Variants in GRID1 observed in about 807,000 individuals in gnomAD.
GRID1 encodes glutamate receptor ionotropic, delta-1.
Under a neutral mutation model 98.0 loss-of-function variants are expected in GRID1, and 28 were observed. The observed-to-expected ratio is 0.29, with a 90% CI of 0.21 to 0.39. The LOEUF (loss-of-function observed/expected upper bound fraction) is 0.39. Among genes scored for constraint, GRID1 ranks in the 10% least tolerant of loss-of-function variants. The pLI is 1.00. For missense variants in GRID1, 1,111 were observed against 1,340.5 expected, an observed-to-expected ratio of 0.83 and a Z score of 2.67; for synonymous variants, 553 against 538.5, an observed-to-expected ratio of 1.03 and a Z score of -0.37.
At chr10:86,063,883 T>C (rs1275306146) in intron 4 of GRID1, among the ~76,000 whole-genome samples, 1 of 152,204 alleles carries the variant, frequency 6.6e-6, no homozygotes, top group East Asian at 1.9e-4. Flanking sequence ...TGTCTGTAGC[T>C]ACTGTCAGGC....
chr10:86,054,388 C>A (rs1422985497), intron 4 of GRID1, among the ~76,000 whole-genome samples: 1 of 152,200 alleles, frequency 6.6e-6, no homozygotes, highest in Non-Finnish European at 1.5e-5. Context: ...TGCTGACCCT[C>A]TTCTCTCATC....
chr10:85,773,452 T>C (rs1436562428), intron 8 of GRID1, among the ~76,000 whole-genome samples: 1 of 152,162 alleles, frequency 6.6e-6, no homozygotes, highest in African/African-American at 2.4e-5. Context: ...CTATTCAACA[T>C]AGTGTTGGAA....
chr10:85,846,874 T>C (rs1294784995), intron 8 of GRID1, among the ~76,000 whole-genome samples: 1 of 152,180 alleles, frequency 6.6e-6, no homozygotes, highest in East Asian at 1.9e-4. Context: ...GTTTCCAAGA[T>C]ACAAAAGTAA....
chr10:85,847,606 G>T (rs545601291), intron 8 of GRID1, among the ~76,000 whole-genome samples: 7 of 151,952 alleles, frequency 4.6e-5, no homozygotes, highest in Non-Finnish European at 8.8e-5. Context: ...GGAAATGAAG[G>T]TCTGCTGTAT....
intron 4 of GRID1, among the ~76,000 whole-genome samples, chr10:85,958,694 A>G: frequency 6.6e-6 from 1 of 152,184 alleles, no homozygotes; most frequent in East Asian, 1.9e-4. Context: ...GTGGTGGCTC[A>G]CACCTGTAAT....
intron 4 of GRID1, among the ~76,000 whole-genome samples, chr10:85,975,765 G>A (rs963656071): frequency 5.3e-5 from 8 of 152,122 alleles, no homozygotes; most frequent in East Asian, 1.9e-4. Context: ...CAAGAAAATC[G>A]ACCCTCAAGG....
intron 5 of GRID1, among the ~76,000 whole-genome samples, chr10:85,904,562 A>G (rs1313067134): frequency 6.6e-6 from 1 of 152,190 alleles, no homozygotes; most frequent in Non-Finnish European, 1.5e-5. Context: ...CAGAGTGCTG[A>G]CCCAGAACTA....
At chr10:86,052,183 G>A (rs1452211211) in intron 4 of GRID1, among the ~76,000 whole-genome samples, 1 of 152,090 alleles carries the variant, frequency 6.6e-6, no homozygotes, top group African/African-American at 2.4e-5. Context: ...TCAATGTGAA[G>A]AAAAAGTATA....
intron 14 of GRID1, among the ~76,000 whole-genome samples, chr10:85,614,615 G>A (rs1258147925): frequency 1.3e-5 from 2 of 151,994 alleles, no homozygotes; most frequent in African/African-American, 4.8e-5. Flanking sequence ...CCATGTGAAA[G>A]TCATGTCTGG....
intron 8 of GRID1, among the ~76,000 whole-genome samples, chr10:85,823,606 A>G (rs1267872731): frequency 1.3e-5 from 2 of 152,088 alleles, no homozygotes; most frequent in Non-Finnish European, 2.9e-5. Context: ...ATTGTCCAAT[A>G]CTGATAATAT....
rs569721705 is a variant in GRID1 at position 86,154,164 on chromosome 10, C to A, written c.521-15140G>T. 6.8e-3 allele frequency among the ~76,000 whole-genome samples: 1,034 copies of A among 152,260 alleles called. 10 individuals are homozygous for A. Among genetic ancestry groups the A allele is most frequent in the African/African-American group, 0.024 (982 of 41,552 alleles). On this transcript the variant is annotated intron_variant, in intron 3 of 15. Transcript: ENST00000327946. ...AAATACCTGCCCAGACCAACACTGTCCCCTCTCCTCCTCCCAAGGGTAGAT... is the reference window on the plus strand; with the variant it reads ...AAATACCTGCCCAGACCAACACTGTACCCTCTCCTCCTCCCAAGGGTAGAT...
intron 8 of GRID1, among the ~76,000 whole-genome samples, chr10:85,799,939 A>G (rs1291796804): frequency 6.6e-6 from 1 of 152,142 alleles, no homozygotes; most frequent in Non-Finnish European, 1.5e-5. Flanking sequence ...TTTGATTATT[A>G]TACAATGTAT....
intron 12 of GRID1, among the ~76,000 whole-genome samples, chr10:85,721,949 T>A (rs1437601495): frequency 6.6e-6 from 1 of 152,204 alleles, no homozygotes. Context: ...ATTAGACTTT[T>A]GCAAAATGTT....
chr10:86,049,810 CTCT>C (rs901425262), intron 4 of GRID1, among the ~76,000 whole-genome samples: 10 of 152,216 alleles, frequency 6.6e-5, no homozygotes, highest in South Asian at 4.1e-4. Flanking sequence ...TGCAACTCAC[CTCT>C]TCTTCTTCTT....
intron 3 of GRID1, among the ~76,000 whole-genome samples, chr10:86,180,096 G>A (rs1845633866): frequency 6.6e-6 from 1 of 152,236 alleles, no homozygotes; most frequent in Admixed American, 6.5e-5. Flanking sequence ...GCAGGAGCAG[G>A]CTGGACAAAG....
At chr10:85,697,301 T>TA (rs35328864) in intron 12 of GRID1, among the ~76,000 whole-genome samples, 84,197 of 151,384 alleles carry the variant, frequency 0.56, 23,909 homozygotes, top group Middle Eastern at 0.66. Flanking sequence ...GTTGCTCCAT[T>TA]TTGTGCATAA....
intron 2 of GRID1, among the ~76,000 whole-genome samples, chr10:86,256,710 A>C (rs1289615717): frequency 6.6e-6 from 1 of 152,198 alleles, no homozygotes; most frequent in Non-Finnish European, 1.5e-5. Flanking sequence ...ACATGAGATC[A>C]CAGCCTGACC....
At chr10:85,895,016 A>AATATATATATATATATATAT (rs67350023) in intron 5 of GRID1, among the ~76,000 whole-genome samples, 3 of 97,108 alleles carry the variant, frequency 3.1e-5, no homozygotes, top group Non-Finnish European at 6.2e-5. Context: ...AAAAAAAAAA[A>AATATATATATATATATATAT]ATATATATAT....
chr10:85,865,958 GAGAGAGA>G (rs1843215782), intron 6 of GRID1, among the ~76,000 whole-genome samples: 2 of 7,916 alleles, frequency 2.5e-4, no homozygotes, highest in African/African-American at 4.7e-4. Flanking sequence ...TATATATGGA[GAGAGAGA>G]GAGAGAGAGA....
Sources: gnomAD v4.1 joint callset for allele counts (sites outside exome capture counted in the v4.1 genomes callset) on GRCh38, gnomAD v4.1.1 for gene constraint, MANE v1.5 for transcripts, NCBI Gene and HGNC (gene_info 2026-07-23, HGNC 2026-07-21) for gene names.